The following PRKD2 variants were observed in gnomAD, a reference collection of about 807,000 sequenced individuals.
PRKD2 encodes protein kinase D2.
A neutral mutation model predicts 86.0 loss-of-function variants in PRKD2; 22 were observed. The observed-to-expected ratio is 0.26, with a 90% confidence interval of 0.18 to 0.37. The LOEUF (loss-of-function observed/expected upper bound fraction) is 0.37, where lower values mean the gene tolerates loss of function less well. Ranked by LOEUF, PRKD2 falls within the 10% of genes least tolerant of loss-of-function variation. The pLI is 1.00. For synonymous variants in PRKD2, 509 were observed against 510.9 expected, an observed-to-expected ratio of 1.00 and a Z score of 0.05; for missense variants, 818 against 1,199.2, an observed-to-expected ratio of 0.68 and a Z score of 4.70.
At chr19:46,708,335 T>TCC (rs369516295) in intron 3 of PRKD2, among the ~76,000 whole-genome samples, 11 of 106,520 alleles carry the variant, frequency 1.0e-4, no homozygotes, top group Non-Finnish European at 1.7e-4. Context: ...TTTTTTTTTT[T>TCC]CTGAGACAAT....
rs113283031 is a variant in PRKD2, at chr19:46,678,707, G to A, written c.2071-44C>T. ...GGAGGCTCCACCAGGTGATGGAGCCGCACCCACCCCAGCATCCCCACCACA... is the reference window on the plus strand; with the variant it reads ...GGAGGCTCCACCAGGTGATGGAGCCACACCCACCCCAGCATCCCCACCACA... On this transcript the variant is annotated intron_variant, in intron 15 of 17. Transcript: ENST00000291281. The surrounding 1 kb of genome is among the most constrained non-coding windows in gnomAD (Gnocchi z 5.7). The A allele has an allele frequency of 1.3e-6, 2 of 1,564,596 alleles. No individual in the cohort carries two copies. Among genetic ancestry groups the A allele is most frequent in the Non-Finnish European group, 1.7e-6 (2 of 1,155,936 alleles).
intron 14 of PRKD2, chr19:46,689,205 TC>T (rs1427041507): frequency 6.5e-6 from 1 of 154,952 alleles, no homozygotes; most frequent in East Asian, 1.9e-4. Flanking sequence ...CACTGCAAGC[TC>T]CATCTCCCAG....
Position 46,716,008 on chromosome 19 carries a change from C to T in PRKD2, c.240+123G>A. ...TGGAGGGGGGCAATGCCCCCTATCC[C>T]TCCATCACCCAAAGCTCAGGTCTCC... On this transcript the variant is annotated intron_variant, in intron 1 of 17. Transcript: ENST00000291281. This position sits in a 1 kb window ranked among gnomAD's most constrained non-coding sequence, Gnocchi z 7.9. The T allele has an allele frequency of 7.1e-7, 1 of 1,416,304 alleles. No homozygotes were observed. The highest frequency in any genetic ancestry group is 9.3e-7 in the Non-Finnish European group (1 of 1,071,672). The allele number at this position is 1,416,304 out of a possible 1,614,324, so 87.7% of individuals were successfully genotyped here. A position where few individuals can be genotyped will look rare whatever the true frequency, so the allele number is the denominator to read the frequency against.
chr19:46,696,963 C>T (rs1326672352), intron 9 of PRKD2, among the ~76,000 whole-genome samples, 194 bp downstream of exon 9: 1 of 152,068 alleles, frequency 6.6e-6, no homozygotes. Context: ...TGCCCGGAGT[C>T]CCCCTGGCTG....
chr19:46,692,004 CAG>C lies in PRKD2; in HGVS notation c.1577-21_1577-20del, dbSNP rs749678101. On this transcript the variant is annotated intron_variant, in intron 10 of 17. Transcript: ENST00000291281. ...GCTTGTCCTAGGGAGAGGGGAGAGA[CAG>C]AGGTGAGGGGACTCCAGGCTCAGGA... 6.8e-6 allele frequency: 11 copies of C among 1,611,908 alleles called. No homozygotes were observed. The highest frequency in any genetic ancestry group is 9.3e-6 in the Non-Finnish European group (11 of 1,178,284).
chr19:46,700,220 G>C (rs1297093582), intron 7 of PRKD2, among the ~76,000 whole-genome samples: 1 of 150,816 alleles, frequency 6.6e-6, no homozygotes, highest in African/African-American at 2.4e-5. Flanking sequence ...TGGGCAACAA[G>C]AGCGAAACGC....
rs1274124606 is a variant in PRKD2, at chr19:46,716,117, G to A, written c.240+14C>T. On this transcript the variant is annotated intron_variant, in intron 1 of 17. Coordinates refer to ENST00000291281, the MANE Select transcript of PRKD2 (RefSeq NM_016457.5). This position sits in a 1 kb window ranked among gnomAD's most constrained non-coding sequence, Gnocchi z 7.9. ...CCTCTCCCCGAGCTGGATCCAGGGAGCCTGCGCCCTCACCTTCTGGTCCAC... is the reference window on the plus strand; with the variant it reads ...CCTCTCCCCGAGCTGGATCCAGGGAACCTGCGCCCTCACCTTCTGGTCCAC... 2.5e-6 allele frequency: 4 copies of A among 1,607,406 alleles called. No individual in the cohort carries two copies. Among genetic ancestry groups the A allele is most frequent in the Admixed American group, 3.4e-5 (2 of 59,636 alleles).
intron 2 of PRKD2, 51 bp downstream of exon 2, chr19:46,713,812 T>C: frequency 1.2e-6 from 1 of 804,660 alleles, no homozygotes; most frequent in Non-Finnish European, 1.8e-6. Flanking sequence ...CTCCCCCAGA[T>C]GCCCCGCCCC....
intron 13 of PRKD2, among the ~76,000 whole-genome samples, 161 bp downstream of exon 13, chr19:46,690,439 A>C (rs2053467079): frequency 6.6e-6 from 1 of 152,104 alleles, no homozygotes; most frequent in African/African-American, 2.4e-5. Flanking sequence ...CCCTCTCACC[A>C]GGTCTTTGTA....
rs1449191589 is a variant in PRKD2 at position 46,711,009 on chromosome 19, G to C, written c.409C>G (p.Arg137Gly). The change falls in exon 3 of 18, where the codon CGC (arginine) becomes GGC (glycine). Residue 137 changes from arginine to glycine, a missense_variant. Physicochemically the swap from Arg to Gly is moderately radical, Grantham distance 125 (BLOSUM62 -2). Around this residue, in one of 5 missense-constraint regions of PRKD2, gnomAD observed 403 missense variants for 518.6 expected, o/e 0.78. Coordinates refer to ENST00000291281, the MANE Select transcript of PRKD2 (RefSeq NM_016457.5). The part of the protein sequence containing the change: ...ASATFEDFQI[R>G]PHALTVHSYR... ...GAGTGCACCGTGAGGGCGTGCGGGC[G>C]GATCTGGAAGTCCTCGAAGGTGGCC... 23 of 1,581,452 alleles carry C rather than the reference G, an allele frequency of 1.5e-5. No homozygotes were observed. The highest frequency in any genetic ancestry group is 2.0e-5 in the Non-Finnish European group (23 of 1,163,876).
intron 14 of PRKD2, among the ~76,000 whole-genome samples, chr19:46,683,166 C>CTT (rs34248159): frequency 4.3e-5 from 5 of 115,474 alleles, no homozygotes; most frequent in East Asian, 4.6e-4. Context: ...GCTTTGATTC[C>CTT]TTTTTTTTTT....
At chr19:46,686,807 C>T (rs1382623349) in intron 14 of PRKD2, among the ~76,000 whole-genome samples, 4 of 151,546 alleles carry the variant, frequency 2.6e-5, no homozygotes, top group African/African-American at 7.3e-5. Flanking sequence ...AAAAATTAGC[C>T]GGGCGTGGTG....
At chr19:46,688,628 G>C (rs1246234957) in intron 14 of PRKD2, among the ~76,000 whole-genome samples, 1 of 151,604 alleles carries the variant, frequency 6.6e-6, no homozygotes, top group East Asian at 1.9e-4. Context: ...GTAGAGACAG[G>C]GTTTCACCAT....
At chr19:46,715,728 A>C (rs1178163774) in intron 1 of PRKD2, among the ~76,000 whole-genome samples, 1 of 151,790 alleles carries the variant, frequency 6.6e-6, no homozygotes, top group East Asian at 1.9e-4. Flanking sequence ...CACACATGTC[A>C]CCGGATCACC....
At position 46,693,816 on chromosome 19, in the gene PRKD2, G is replaced by A; in HGVS notation, c.1576+59C>T. On this transcript the variant is annotated intron_variant, in intron 10 of 17. Coordinates refer to ENST00000291281, the MANE Select transcript of PRKD2 (RefSeq NM_016457.5). This position sits in a 1 kb window ranked among gnomAD's most constrained non-coding sequence, Gnocchi z 4.5. ...TCCTCTTTGGCCCTTCCATTCCCCA[G>A]AACCGTGCCCCACCCATCTAGATCT... 6.5e-7 allele frequency: 1 copy of A among 1,529,266 alleles called. No individual in the cohort carries two copies. Among genetic ancestry groups the A allele is most frequent in the East Asian group, 2.3e-5 (1 of 44,088 alleles). 94.7% of individuals were successfully genotyped at this position (1,529,266 alleles called of 1,614,324 possible). A position where few individuals can be genotyped will look rare whatever the true frequency, so the allele number is the denominator to read the frequency against.
rs199647092 is a variant in PRKD2 at position 46,691,851 on chromosome 19, G to A, written c.1630-44C>T. On this transcript the variant is annotated intron_variant, in intron 11 of 17. Transcript: ENST00000291281. ...GCAGGTCAGGGGTGCAAATGGAAAT[G>A]GGGAAGGGGGAGTCAAGGAGACGAG... 218 of 1,612,120 alleles carry A rather than the reference G, an allele frequency of 1.4e-4. No individual in the cohort carries two copies. The Admixed American group carries it at 1.4e-3, about 10-fold the overall frequency.
chr19:46,693,772 A>G lies in PRKD2; in HGVS notation c.1576+103T>C. ...GCTGAGTCCAGAAGCTGCGTTCTCA[A>G]CCCCACCATTGCCCACTTTCCTCTT... On this transcript the variant is annotated intron_variant, in intron 10 of 17. Coordinates refer to ENST00000291281, the MANE Select transcript of PRKD2 (RefSeq NM_016457.5). This position sits in a 1 kb window ranked among gnomAD's most constrained non-coding sequence, Gnocchi z 4.5. The G allele has an allele frequency of 6.8e-7, 1 of 1,465,726 alleles. No homozygotes were observed. 90.8% of individuals were successfully genotyped at this position (1,465,726 alleles called of 1,614,324 possible).
At chr19:46,681,598 C>CCCCCCACACA in intron 15 of PRKD2, 52 bp downstream of exon 15, 3 of 969,334 alleles carry the variant, frequency 3.1e-6, no homozygotes, top group African/African-American at 1.7e-5. Flanking sequence ...ACCCCCACCC[C>CCCCCCACACA]GGCCATCAGT....
At chr19:46,715,961 GGGAT>G (rs1422188767) in intron 1 of PRKD2, among the ~76,000 whole-genome samples, 166 bp downstream of exon 1, 2 of 152,356 alleles carry the variant, frequency 1.3e-5, no homozygotes, top group African/African-American at 4.8e-5. Flanking sequence ...CTCTCTCAAA[GGGAT>G]GGTGGGGAGA....
Sources: allele counts gnomAD v4.1 joint callset (sites outside exome capture counted in the v4.1 genomes callset), GRCh38; gene constraint gnomAD v4.1.1; regional missense constraint gnomAD v4.1.1; non-coding constraint Gnocchi (gnomAD v3.1); transcripts MANE v1.5; gene names NCBI Gene and HGNC (gene_info 2026-07-23, HGNC 2026-07-21).